SPNS2: variants seen among roughly 807,000 people sequenced by gnomAD.
SPNS2 encodes SPNS lysolipid transporter 2, sphingosine-1-phosphate.
A neutral mutation model predicts 57.6 loss-of-function variants in SPNS2; 37 were observed. The observed-to-expected ratio is 0.64, with a 90% CI of 0.49 to 0.85. SPNS2 has a LOEUF of 0.85. Among genes scored for constraint, SPNS2 ranks in the 40% least tolerant of loss-of-function variants. The pLI, the probability that SPNS2 is intolerant of heterozygous loss-of-function variation, is 0.00. For missense variants in SPNS2, 831 were observed against 779.1 expected (o/e 1.07, Z -0.79); for synonymous variants, 440 against 346.9 (o/e 1.27, Z -2.98).
chr17:4,500,596 A>G (rs920119724), intron 1 of SPNS2, among the ~76,000 whole-genome samples: 4 of 152,054 alleles, frequency 2.6e-5, no homozygotes, highest in African/African-American at 9.7e-5. Flanking sequence ...CACACAACAG[A>G]GAGAGAGAGG....
chr17:4,515,195 C>T (rs568784730), intron 2 of SPNS2, among the ~76,000 whole-genome samples: 91 of 152,288 alleles, frequency 6.0e-4, no homozygotes, highest in African/African-American at 1.9e-3. Flanking sequence ...GAAGTCACTC[C>T]GTCCCTCCTC....
intron 9 of SPNS2, 57 bp from the exon 10 acceptor site, chr17:4,536,006 CGGCCCGGGGCCAG>C (rs1567597435): frequency 7.3e-7 from 1 of 1,374,736 alleles, no homozygotes; most frequent in African/African-American, 1.4e-5. Flanking sequence ...AGAAGTGCCA[CGGCCCGGGGCCAG>C]GGCCAAGCGC....
intron 8 of SPNS2, 77 bp from the exon 9 acceptor site, chr17:4,533,711 C>A: frequency 6.6e-7 from 1 of 1,521,752 alleles, no homozygotes; most frequent in South Asian, 1.1e-5. Context: ...TGCCAGCAGC[C>A]AGTGTGTAGG....
chr17:4,500,547 G>T (rs535765890), intron 1 of SPNS2, among the ~76,000 whole-genome samples: 2 of 152,204 alleles, frequency 1.3e-5, no homozygotes, highest in Non-Finnish European at 2.9e-5. Flanking sequence ...CAGAACCTGC[G>T]TAACTATAGC....
chr17:4,519,605 G>GCACACGTGAGCTGAGCGAGGGCTTCTC (rs71147065), intron 2 of SPNS2, among the ~76,000 whole-genome samples: 1 of 151,794 alleles, frequency 6.6e-6, no homozygotes, highest in South Asian at 2.1e-4. Flanking sequence ...TGTGGGCTCA[G>GCACACGTGAGCTGAGCGAGGGCTTCTC]CACACCCTCC....
rs1439393965 is a variant in SPNS2 at position 4,499,011 on chromosome 17, GC to G, written c.-31del. The G allele has an allele frequency of 4.1e-6, 4 of 985,654 alleles. No homozygotes were observed. In the African/African-American group the frequency reaches 7.0e-5, roughly 17 times the overall value. 61.1% of individuals were successfully genotyped at this position (985,654 alleles called of 1,614,324 possible). A position where few individuals can be genotyped will look rare whatever the true frequency, so the allele number is the denominator to read the frequency against. ...TGAGCGGGCCCAGCCTGGGCCCCGC[GC>G]CCCCCGCGCCCCCCGCCGCCCCGAT... On this transcript the variant is annotated 5_prime_UTR_variant, in exon 1 of 13. Coordinates refer to ENST00000329078, the MANE Select transcript of SPNS2 (RefSeq NM_001124758.3). The surrounding 1 kb of genome is among the most constrained non-coding windows in gnomAD (Gnocchi z 5.2).
intron 2 of SPNS2, among the ~76,000 whole-genome samples, chr17:4,518,470 C>T (rs1039914062): frequency 2.6e-5 from 4 of 152,214 alleles, no homozygotes; most frequent in Non-Finnish European, 4.4e-5. Flanking sequence ...TTGCAGTGAG[C>T]CGAGATCGCG....
At chr17:4,537,428 G>A (rs1440744628) in intron 12 of SPNS2, 25 bp from the exon 13 acceptor site, 2 of 439,470 alleles carry the variant, frequency 4.6e-6, no homozygotes, top group African/African-American at 2.0e-5. Context: ...AAGCCCCACT[G>A]CTGACCTGAC....
chr17:4,503,192 G>A (rs1333111491), intron 1 of SPNS2, among the ~76,000 whole-genome samples: 1 of 152,230 alleles, frequency 6.6e-6, no homozygotes, highest in Non-Finnish European at 1.5e-5. Flanking sequence ...CAGCCAGAGC[G>A]GCATCCTCTC....
Position 4,538,169 on chromosome 17 carries a change from C to A in SPNS2, c.*721C>A, listed in dbSNP as rs1272887745. 3.8e-6 allele frequency: 1 copy of A among 261,054 alleles called. No individual in the cohort carries two copies. The highest frequency in any genetic ancestry group is 7.6e-6 in the Non-Finnish European group (1 of 131,434). 16.2% of individuals were successfully genotyped at this position (261,054 alleles called of 1,614,324 possible). A position where few individuals can be genotyped will look rare whatever the true frequency, so the allele number is the denominator to read the frequency against. On this transcript the variant is annotated 3_prime_UTR_variant, in exon 13 of 13. Coordinates refer to ENST00000329078, the MANE Select transcript of SPNS2 (RefSeq NM_001124758.3). ...GAAGGCCCTGGCTGCAGCTGTACAC[C>A]ACCTGTGCCCCCAGGCTCAAGGTCT...
Position 4,538,291 on chromosome 17 carries a change from C to A in SPNS2, c.*843C>A. 5.4e-6 allele frequency: 1 copy of A among 185,480 alleles called. No homozygotes were observed. Among genetic ancestry groups the A allele is most frequent in the Non-Finnish European group, 1.1e-5 (1 of 88,248 alleles). The allele number at this position is 185,480 out of a possible 1,614,324, so 11.5% of individuals were successfully genotyped here. On this transcript the variant is annotated 3_prime_UTR_variant, in exon 13 of 13. Coordinates refer to ENST00000329078, the MANE Select transcript of SPNS2 (RefSeq NM_001124758.3). ...CTCCTTCCCCGAGGCTGAGCTGAGCCTTTTCCAGGGGCAGGGCCCAGGAGA... is the reference window on the plus strand; with the variant it reads ...CTCCTTCCCCGAGGCTGAGCTGAGCATTTTCCAGGGGCAGGGCCCAGGAGA...
rs1399162704 is a variant in SPNS2, at chr17:4,510,021, G to T, written c.371-3226G>T. Among the ~76,000 whole-genome samples, 1 of 152,240 alleles carries T rather than the reference G, an allele frequency of 6.6e-6. No homozygotes were observed. The highest frequency in any genetic ancestry group is 1.5e-5 in the Non-Finnish European group (1 of 68,036). ...TGTGGTGAAGAAGGGAGGGGTGCGT[G>T]GGCCTGAGCCGTGCTGGAGCCCAAA... On this transcript the variant is annotated intron_variant, in intron 1 of 12. Transcript: ENST00000329078. The surrounding 1 kb of genome is among the most constrained non-coding windows in gnomAD (Gnocchi z 4.4).
In SPNS2 at chr17:4,499,344, C is replaced by T; in HGVS notation, c.297C>T (p.Arg99=). Residue 99 remains arginine (R), a synonymous_variant, in exon 1 of 13, where the codon CGC becomes CGT. Transcript: ENST00000329078. This position sits in a 1 kb window ranked among gnomAD's most constrained non-coding sequence, Gnocchi z 5.2. ...AQQPKPASLG[R]GRGAAAAILS... is the part of the protein sequence containing the mutation. ...AGCCCAAACCGGCCAGCTTGGGCCGCGGGCGGGGGGCAGCCGCCGCCATCC... is the reference window on the plus strand; with the variant it reads ...AGCCCAAACCGGCCAGCTTGGGCCGTGGGCGGGGGGCAGCCGCCGCCATCC... 2 of 1,458,736 alleles carry T rather than the reference C, an allele frequency of 1.4e-6. No homozygotes were observed. Among genetic ancestry groups the T allele is most frequent in the Admixed American group, 2.6e-5 (1 of 38,584 alleles). The allele number at this position is 1,458,736 out of a possible 1,614,324, so 90.4% of individuals were successfully genotyped here.
In SPNS2 at chr17:4,538,434, C is replaced by T. The variant is rs920325244; in HGVS notation, c.*986C>T. The T allele has an allele frequency of 1.5e-5, 3 of 199,656 alleles. No individual in the cohort carries two copies. The highest frequency in any genetic ancestry group is 3.0e-5 in the Non-Finnish European group (3 of 98,668). 12.4% of individuals were successfully genotyped at this position (199,656 alleles called of 1,614,324 possible). A position where few individuals can be genotyped will look rare whatever the true frequency, so the allele number is the denominator to read the frequency against. ...GGCCCCGGGAGAGGCGGCCCCTACC[C>T]AAACACTGGCTGCTGGCATTCCACC... On this transcript the variant is annotated 3_prime_UTR_variant, in exon 13 of 13. Transcript: ENST00000329078.
intron 12 of SPNS2, among the ~76,000 whole-genome samples, chr17:4,537,182 G>GC (rs1014107940): frequency 5.3e-5 from 8 of 152,290 alleles, no homozygotes; most frequent in South Asian, 2.1e-4. Flanking sequence ...GCTGGGTGGG[G>GC]CCTCGCATAG....
chr17:4,519,729 G>A (rs1004925977), intron 2 of SPNS2, among the ~76,000 whole-genome samples: 7 of 149,578 alleles, frequency 4.7e-5, no homozygotes, highest in Admixed American at 4.0e-4. Flanking sequence ...CGGGATTGCG[G>A]GGTGGTGGGC....
chr17:4,533,645 G>T (rs893939895), intron 8 of SPNS2, 143 bp from the exon 9 acceptor site: 6 of 1,075,512 alleles, frequency 5.6e-6, no homozygotes, highest in Non-Finnish European at 8.2e-6. Flanking sequence ...TGAAGTCTCT[G>T]GATAGCCCAT....
At chr17:4,536,661 G>C (rs1905828787) in intron 11 of SPNS2, 6 of 663,066 alleles carry the variant, frequency 9.0e-6, no homozygotes, top group Non-Finnish European at 1.5e-5. Flanking sequence ...TGGACTTAGT[G>C]GTTTTCAAAG....
intron 8 of SPNS2, 159 bp from the exon 9 acceptor site, chr17:4,533,629 A>C (rs1454118741): frequency 9.6e-7 from 1 of 1,037,024 alleles, no homozygotes; most frequent in African/African-American, 1.6e-5. Context: ...GGCCGTGGGC[A>C]TGGCTTGAAG....
Sources: allele counts gnomAD v4.1 joint callset (sites outside exome capture counted in the v4.1 genomes callset), GRCh38; gene constraint gnomAD v4.1.1; non-coding constraint Gnocchi (gnomAD v3.1); transcripts MANE v1.5; gene names NCBI Gene and HGNC (gene_info 2026-07-23, HGNC 2026-07-21).